Variants in ANKRD22 observed in about 807,000 individuals in gnomAD.
The protein encoded by ANKRD22 is ankyrin repeat domain-containing protein 22.
Under a neutral mutation model 25.7 loss-of-function variants are expected in ANKRD22, and 24 were observed. The ratio of observed to expected loss-of-function variants is 0.93; its 90% CI spans 0.68 to 1.31. ANKRD22 has a LOEUF of 1.31. Among genes scored for constraint, ANKRD22 ranks in the 50% most tolerant of loss-of-function variants. The probability of loss-of-function intolerance (pLI) is 0.00; values close to 1 mark genes in which losing one functional copy is unlikely to be tolerated. For missense variants in ANKRD22, 214 were observed against 227.1 expected (o/e 0.94, Z 0.37); for synonymous variants, 84 against 84.3 (o/e 1.00, Z 0.02).
intron 1 of ANKRD22, among the ~76,000 whole-genome samples, chr10:88,848,370 C>T (rs1411363880): frequency 6.6e-6 from 1 of 151,922 alleles, no homozygotes; most frequent in Non-Finnish European, 1.5e-5. Context: ...ATCATTTTCT[C>T]TCTGAACTTT....
intron 4 of ANKRD22, among the ~76,000 whole-genome samples, chr10:88,825,549 T>C (rs1397074528): frequency 1.3e-5 from 2 of 152,252 alleles, no homozygotes; most frequent in Non-Finnish European, 2.9e-5. Context: ...TGCCATTCAA[T>C]GAGCACTTAC....
rs1185956372 is a variant in ANKRD22, at chr10:88,822,035, C to T, written c.*906G>A. 1.3e-5 allele frequency: 2 copies of T among 152,180 alleles called. No individual in the cohort carries two copies. Among genetic ancestry groups the T allele is most frequent in the Admixed American group, 1.3e-4 (2 of 15,270 alleles). 9.4% of individuals were successfully genotyped at this position (152,180 alleles called of 1,614,324 possible). A position where few individuals can be genotyped will look rare whatever the true frequency, so the allele number is the denominator to read the frequency against. On this transcript the variant is annotated 3_prime_UTR_variant, in exon 6 of 6. Coordinates refer to ENST00000371930, the MANE Select transcript of ANKRD22 (RefSeq NM_144590.3). ...TAAACAAAACTAACAAGCTTGGCAACCACCTTGTATTTACAAAAGGATCAT... is the reference window on the plus strand; with the variant it reads ...TAAACAAAACTAACAAGCTTGGCAATCACCTTGTATTTACAAAAGGATCAT...
chr10:88,823,826 T>TAAAAAAAAAA (rs1843826350), intron 4 of ANKRD22, among the ~76,000 whole-genome samples: 1 of 21,850 alleles, frequency 4.6e-5, no homozygotes, highest in African/African-American at 1.8e-4. Flanking sequence ...AGACTCCGTC[T>TAAAAAAAAAA]CAAAAAAAAA....
chr10:88,832,787 T>G (rs11202868), intron 1 of ANKRD22, among the ~76,000 whole-genome samples: 5,293 of 152,144 alleles, frequency 0.035, 327 homozygotes, highest in African/African-American at 0.12. Flanking sequence ...ATAGCAAGAC[T>G]TCAGGTAGCA....
chr10:88,833,758 C>A (rs940222551), intron 1 of ANKRD22, among the ~76,000 whole-genome samples: 22 of 152,212 alleles, frequency 1.4e-4, no homozygotes, highest in African/African-American at 5.1e-4. Context: ...TAGAAATGCA[C>A]AATTTCACAA....
At chr10:88,839,720 C>T (rs945494719) in intron 1 of ANKRD22, among the ~76,000 whole-genome samples, 8 of 152,072 alleles carry the variant, frequency 5.3e-5, no homozygotes, top group African/African-American at 1.9e-4. Context: ...TTGGTTGACA[C>T]ATGGATTCAT....
At chr10:88,842,982 T>C (rs1844015909) in intron 1 of ANKRD22, among the ~76,000 whole-genome samples, 1 of 152,138 alleles carries the variant, frequency 6.6e-6, no homozygotes, top group East Asian at 1.9e-4. Flanking sequence ...AGACAATTAT[T>C]TTTTTCCTCT....
intron 2 of ANKRD22, 149 bp downstream of exon 2, chr10:88,831,686 A>G: frequency 7.4e-6 from 5 of 672,172 alleles, no homozygotes; most frequent in Non-Finnish European, 6.8e-6. Context: ...TGTCCTTGGT[A>G]TGTGTCAGTC....
At chr10:88,841,872 AG>A (rs1200408414) in intron 1 of ANKRD22, among the ~76,000 whole-genome samples, 3 of 152,124 alleles carry the variant, frequency 2.0e-5, no homozygotes, top group African/African-American at 7.2e-5. Flanking sequence ...ACCCTATAAA[AG>A]CCTTCTCCTT....
At chr10:88,823,746 C>G (rs919038283) in intron 4 of ANKRD22, among the ~76,000 whole-genome samples, 5 of 141,132 alleles carry the variant, frequency 3.5e-5, no homozygotes, top group Non-Finnish European at 7.5e-5. Context: ...GAGAATGGCT[C>G]GAACCCGGGA....
intron 1 of ANKRD22, among the ~76,000 whole-genome samples, chr10:88,849,261 A>C (rs1270778596): frequency 6.6e-6 from 1 of 152,094 alleles, no homozygotes; most frequent in Non-Finnish European, 1.5e-5. Context: ...TTCACAATGC[A>C]ACAGTTCTCT....
chr10:88,842,534 A>C (rs1191588504), intron 1 of ANKRD22, among the ~76,000 whole-genome samples: 2 of 152,156 alleles, frequency 1.3e-5, no homozygotes, highest in African/African-American at 4.8e-5. Context: ...TGAGATCTCA[A>C]TACTTTCCAA....
At chr10:88,832,329 T>C (rs1220996543) in intron 1 of ANKRD22, among the ~76,000 whole-genome samples, 1 of 152,116 alleles carries the variant, frequency 6.6e-6, no homozygotes, top group Non-Finnish European at 1.5e-5. Flanking sequence ...TGTATAGTGC[T>C]TACAGGTAGG....
chr10:88,844,480 C>A (rs146284825), intron 1 of ANKRD22, among the ~76,000 whole-genome samples: 1 of 152,064 alleles, frequency 6.6e-6, no homozygotes, highest in South Asian at 2.1e-4. Flanking sequence ...AAATAGTAAA[C>A]GCCTCCCATT....
intron 1 of ANKRD22, among the ~76,000 whole-genome samples, chr10:88,841,724 C>T (rs1844005375): frequency 6.6e-6 from 1 of 152,110 alleles, no homozygotes; most frequent in African/African-American, 2.4e-5. Context: ...TTATAAATCC[C>T]TATATTAAAG....
chr10:88,821,581 A>C lies in ANKRD22; in HGVS notation c.*1360T>G, dbSNP rs1292565099. On this transcript the variant is annotated 3_prime_UTR_variant, in exon 6 of 6. Coordinates refer to ENST00000371930, the MANE Select transcript of ANKRD22 (RefSeq NM_144590.3). Reference sequence around the variant, plus strand: ...GCTCAGCTCAATGCCAGTGAATCTTAATTTATTAAGACACGTTTAAAGACT... The same window carrying C: ...GCTCAGCTCAATGCCAGTGAATCTTCATTTATTAAGACACGTTTAAAGACT... Among the ~76,000 whole-genome samples the C allele has an allele frequency of 6.6e-6, 1 of 152,206 alleles. No homozygotes were observed. The highest frequency in any genetic ancestry group is 2.4e-5 in the African/African-American group (1 of 41,446).
chr10:88,837,501 G>A (rs1470555050), intron 1 of ANKRD22, among the ~76,000 whole-genome samples: 1 of 152,170 alleles, frequency 6.6e-6, no homozygotes, highest in Non-Finnish European at 1.5e-5. Context: ...GGAAAATTCT[G>A]GCTCTAAGGC....
Position 88,831,941 on chromosome 10 carries a change from T to C in ANKRD22, c.107A>G (p.Asp36Gly), listed in dbSNP as rs779445573. The C allele has an allele frequency of 3.1e-6, 5 of 1,613,868 alleles. No individual in the cohort carries two copies. The Admixed American group carries it at 6.7e-5, about 22-fold the overall frequency. ...CAGGGGCGTGTCTCCATTAAAGCCA[T>C]CTTGAACGTTGGCATAGCTGCTGTC... The part of the protein sequence containing the change: ...KEDSSYANVQ[D>G]GFNGDTPLIC... Residue 36 changes from aspartate to glycine, a missense_variant, in exon 2 of 6, where the codon GAT (aspartate) becomes GGT (glycine). Physicochemically the swap from Asp to Gly is moderately conservative, Grantham distance 94. Coordinates refer to ENST00000371930, the MANE Select transcript of ANKRD22 (RefSeq NM_144590.3).
rs1843819644 is a variant in ANKRD22, at chr10:88,823,323, G to T, written c.455C>A (p.Pro152His). The T allele has an allele frequency of 6.2e-7, 1 of 1,614,010 alleles. No individual in the cohort carries two copies. Among genetic ancestry groups the T allele is most frequent in the South Asian group, 1.1e-5 (1 of 91,090 alleles). Residue 152 changes from proline to histidine, a missense_variant, in exon 5 of 6, where the codon CCT becomes CAT. Coordinates refer to ENST00000371930, the MANE Select transcript of ANKRD22 (RefSeq NM_144590.3). ...GTCTGCACGGGCTTCCAAGAGCAGAGGGATAAGAGACTGGTTTTTCATTTC... is the reference window on the plus strand; with the variant it reads ...GTCTGCACGGGCTTCCAAGAGCAGATGGATAAGAGACTGGTTTTTCATTTC... The part of the protein sequence containing the change: ...ACEMKNQSLI[P>H]LLLEARADPT...
Sources: allele counts gnomAD v4.1 joint callset (sites outside exome capture counted in the v4.1 genomes callset), GRCh38; gene constraint gnomAD v4.1.1; transcripts MANE v1.5; gene names NCBI Gene and HGNC (gene_info 2026-07-23, HGNC 2026-07-21).